The following PTPRN2 variants were observed in gnomAD, a reference collection of about 807,000 sequenced individuals.
PTPRN2 encodes receptor-type tyrosine-protein phosphatase N2.
In PTPRN2, 74 loss-of-function variants were observed where a neutral mutation model predicts 118.8. The ratio of observed to expected loss-of-function variants is 0.62; its 90% CI spans 0.52 to 0.76. The LOEUF is 0.76. PTPRN2 is among the 30% of genes least tolerant of loss of function. The pLI is 0.00. For missense variants in PTPRN2, 1,481 were observed against 1,394.4 expected (o/e 1.06, Z -0.99); for synonymous variants, 641 against 608.0 (o/e 1.05, Z -0.80).
intron 3 of PTPRN2, among the ~76,000 whole-genome samples, chr7:158,253,005 A>G (rs1402298050): frequency 6.6e-6 from 1 of 152,158 alleles, no homozygotes; most frequent in Non-Finnish European, 1.5e-5. Flanking sequence ...GGCACTCAGA[A>G]CTGAGGCTGG....
Position 158,113,774 on chromosome 7 carries a change from C to T in PTPRN2, c.1557-2859G>A, listed in dbSNP as rs185372713. Among the ~76,000 whole-genome samples, 1,166 of 136,166 alleles carry T rather than the reference C, an allele frequency of 8.6e-3. 22 individuals carry two copies. The highest frequency in any genetic ancestry group is 0.026 in the African/African-American group (1,051 of 40,312). 89.3% of individuals were successfully genotyped at this position (136,166 alleles called of 152,430 possible). A position where few individuals can be genotyped will look rare whatever the true frequency, so the allele number is the denominator to read the frequency against. ...CAAGAAAGCCATCTGATGGCGTCGA[C>T]GCTACAAGCTGTTGTTGTGGCCACC... On this transcript the variant is annotated intron_variant, in intron 9 of 22. Coordinates refer to ENST00000389418, the MANE Select transcript of PTPRN2 (RefSeq NM_002847.5).
intron 2 of PTPRN2, among the ~76,000 whole-genome samples, chr7:158,370,513 G>A (rs1809894887): frequency 6.6e-6 from 1 of 151,986 alleles, no homozygotes; most frequent in Non-Finnish European, 1.5e-5. Flanking sequence ...AGCACTTTGG[G>A]AGGCCGAGGC....
At chr7:157,570,994 C>T (rs1799726772) in intron 20 of PTPRN2, among the ~76,000 whole-genome samples, 1 of 152,136 alleles carries the variant, frequency 6.6e-6, no homozygotes, top group East Asian at 1.9e-4. Context: ...CCTGTAATCC[C>T]AGCACGTTGG....
intron 1 of PTPRN2, among the ~76,000 whole-genome samples, chr7:158,493,237 A>G (rs1821588681): frequency 6.6e-6 from 1 of 152,234 alleles, no homozygotes; most frequent in Non-Finnish European, 1.5e-5. Flanking sequence ...GTGCACACAT[A>G]TACACACATG....
chr7:157,890,457 C>A (rs1806936), intron 12 of PTPRN2, among the ~76,000 whole-genome samples: 1 of 152,008 alleles, frequency 6.6e-6, no homozygotes, highest in African/African-American at 2.4e-5. Context: ...CTGGCTAACA[C>A]GGTGAAACCC....
intron 2 of PTPRN2, among the ~76,000 whole-genome samples, chr7:158,474,783 G>A (rs1820124623): frequency 6.6e-6 from 1 of 151,698 alleles, no homozygotes; most frequent in Non-Finnish European, 1.5e-5. Context: ...CACTGAGGGA[G>A]TCGGGAGTGG....
chr7:158,049,937 C>T (rs1024836960), intron 11 of PTPRN2, among the ~76,000 whole-genome samples: 15 of 152,020 alleles, frequency 9.9e-5, no homozygotes, highest in Non-Finnish European at 1.5e-4. Flanking sequence ...AAATGTGGTG[C>T]TCAGTTCTTA....
intron 1 of PTPRN2, among the ~76,000 whole-genome samples, chr7:158,513,741 A>C (rs1201562888): frequency 2.0e-5 from 3 of 152,250 alleles, no homozygotes; most frequent in African/African-American, 7.2e-5. Flanking sequence ...ACAAGATGTA[A>C]ATGTGGAAGA....
At chr7:158,468,776 C>G (rs1819564017) in intron 2 of PTPRN2, among the ~76,000 whole-genome samples, 1 of 152,186 alleles carries the variant, frequency 6.6e-6, no homozygotes, top group Non-Finnish European at 1.5e-5. Context: ...ACCCCCCACC[C>G]ACACACACTC....
At chr7:158,094,668 A>C (rs931057221) in intron 10 of PTPRN2, among the ~76,000 whole-genome samples, 1 of 152,202 alleles carries the variant, frequency 6.6e-6, no homozygotes, top group Non-Finnish European at 1.5e-5. Flanking sequence ...TGAGCTACAC[A>C]AACACATGAC....
At chr7:158,120,716 G>T (rs1049525891) in intron 9 of PTPRN2, among the ~76,000 whole-genome samples, 5 of 152,212 alleles carry the variant, frequency 3.3e-5, no homozygotes, top group Admixed American at 2.0e-4. Context: ...TTGGATGTCT[G>T]CTCTAACCCA....
At chr7:158,532,093 G>A (rs1043329714) in intron 1 of PTPRN2, among the ~76,000 whole-genome samples, 1 of 152,210 alleles carries the variant, frequency 6.6e-6, no homozygotes, top group Non-Finnish European at 1.5e-5. Context: ...AGTCAGAAAG[G>A]GGCGTGTCCA....
At chr7:158,333,304 T>G (rs1208819818) in intron 2 of PTPRN2, among the ~76,000 whole-genome samples, 1 of 131,574 alleles carries the variant, frequency 7.6e-6, no homozygotes, top group Admixed American at 7.2e-5. Flanking sequence ...AGGTGACATC[T>G]GCAGACGTCA....
intron 2 of PTPRN2, among the ~76,000 whole-genome samples, chr7:158,338,099 T>C (rs367698272): frequency 0.039 from 127 of 3,220 alleles, no homozygotes; most frequent in African/African-American, 0.075. Context: ...TAAGAGGTGA[T>C]GCCCGCAGAC....
At chr7:158,473,753 C>A (rs1240494804) in intron 2 of PTPRN2, among the ~76,000 whole-genome samples, 2 of 151,938 alleles carry the variant, frequency 1.3e-5, no homozygotes, top group African/African-American at 4.8e-5. Flanking sequence ...GTCTAACAGT[C>A]AACCATGATA....
rs185631052 is a variant in PTPRN2 at position 158,295,926 on chromosome 7, T to A, written c.277+20893A>T. ...CGAATCCTCATTTTCTCACTTTTCA[T>A]TTTCACATCATCAGGCACCTTGTCT... On this transcript the variant is annotated intron_variant, in intron 3 of 22. Transcript: ENST00000389418. 1.7e-3 allele frequency among the ~76,000 whole-genome samples: 257 copies of A among 152,356 alleles called. 1 individual carries two copies. Among genetic ancestry groups the A allele is most frequent in the African/African-American group, 5.8e-3 (243 of 41,586 alleles).
Position 157,794,358 on chromosome 7 carries a change from G to A in PTPRN2, c.1788+104315C>T, listed in dbSNP as rs1044917498. Among the ~76,000 whole-genome samples the A allele has an allele frequency of 3.3e-5, 5 of 152,028 alleles. No individual in the cohort carries two copies. Among genetic ancestry groups the A allele is most frequent in the Admixed American group, 2.6e-4 (4 of 15,266 alleles). On this transcript the variant is annotated intron_variant, in intron 12 of 22. Transcript: ENST00000389418. The surrounding 1 kb of genome is among the most constrained non-coding windows in gnomAD (Gnocchi z 5.2). ...CTCCACCCAGGCTGCCTGCACTTCC[G>A]GTTCTGCGTCTGGCCGGCCTACGGG... is the stretch of plus-strand genomic sequence containing the variant.
At chr7:158,002,924 T>C (rs1311544653) in intron 11 of PTPRN2, among the ~76,000 whole-genome samples, 1 of 151,734 alleles carries the variant, frequency 6.6e-6, no homozygotes, top group African/African-American at 2.4e-5. Flanking sequence ...GGAGATGGAG[T>C]GCCCTGGTCC....
chr7:157,790,299 A>G (rs113544157), intron 12 of PTPRN2, among the ~76,000 whole-genome samples: 1 of 130,438 alleles, frequency 7.7e-6, no homozygotes, highest in Non-Finnish European at 1.6e-5. Flanking sequence ...TGGTGTGTGT[A>G]TGGTGGTGTG....
Sources: allele counts gnomAD v4.1 joint callset (sites outside exome capture counted in the v4.1 genomes callset), GRCh38; gene constraint gnomAD v4.1.1; non-coding constraint Gnocchi (gnomAD v3.1); transcripts MANE v1.5; gene names NCBI Gene and HGNC (gene_info 2026-07-23, HGNC 2026-07-21).